Variants in VPS41 observed in about 807,000 individuals in gnomAD.
VPS41 encodes vacuolar protein sorting-associated protein 41 homolog.
Under a neutral mutation model 130.9 loss-of-function variants are expected in VPS41, and 85 were observed. The ratio of observed to expected loss-of-function variants is 0.65; its 90% CI spans 0.55 to 0.78. The LOEUF (loss-of-function observed/expected upper bound fraction) is 0.78, where lower values mean the gene tolerates loss of function less well. VPS41 is among the 30% of genes least tolerant of loss of function. The pLI is 0.00. For missense variants in VPS41, 874 were observed against 1,018.7 expected, an observed-to-expected ratio of 0.86 and a Z score of 1.93; for synonymous variants, 335 against 332.9, an observed-to-expected ratio of 1.01 and a Z score of -0.07.
intron 2 of VPS41, among the ~76,000 whole-genome samples, chr7:38,880,506 C>T (rs74928942): frequency 0.019 from 2,852 of 152,286 alleles, 95 homozygotes; most frequent in African/African-American, 0.064. Flanking sequence ...AAATCCCTCA[C>T]AACTGCCCAA....
chr7:38,877,374 GAAGGA>G (rs1786514088), intron 2 of VPS41, among the ~76,000 whole-genome samples: 1 of 152,102 alleles, frequency 6.6e-6, no homozygotes, highest in African/African-American at 2.4e-5. Flanking sequence ...GCACCAAACA[GAAGGA>G]AAGGGCTGGC....
intron 10 of VPS41, among the ~76,000 whole-genome samples, chr7:38,783,852 C>T (rs772254167): frequency 6.7e-6 from 1 of 150,104 alleles, no homozygotes; most frequent in Non-Finnish European, 1.5e-5. Context: ...GGTTATCTCA[C>T]TTCTTATCTG....
intron 10 of VPS41, among the ~76,000 whole-genome samples, chr7:38,787,450 T>C (rs1229125215): frequency 6.6e-6 from 1 of 152,194 alleles, no homozygotes; most frequent in African/African-American, 2.4e-5. Flanking sequence ...AAAGAAAATA[T>C]GATGTCCCAA....
chr7:38,899,570 C>G (rs1166753170), intron 1 of VPS41, among the ~76,000 whole-genome samples: 2 of 152,192 alleles, frequency 1.3e-5, no homozygotes, highest in East Asian at 3.9e-4. Flanking sequence ...AATCACTATT[C>G]TGACTTCTTT....
At chr7:38,728,443 T>C (rs1449714831) in intron 27 of VPS41, 99 bp downstream of exon 27, 1 of 1,290,388 alleles carries the variant, frequency 7.7e-7, no homozygotes. Flanking sequence ...TTCTGAAAGT[T>C]ATATAGTTTT....
At chr7:38,751,128 T>C (rs1783663651) in intron 22 of VPS41, among the ~76,000 whole-genome samples, 1 of 152,184 alleles carries the variant, frequency 6.6e-6, no homozygotes, top group South Asian at 2.1e-4. Flanking sequence ...TTTTCAATAA[T>C]TGTGGACTTT....
intron 3 of VPS41, among the ~76,000 whole-genome samples, chr7:38,866,403 T>TAAG (rs1339657331): frequency 2.6e-5 from 4 of 152,282 alleles, no homozygotes; most frequent in Middle Eastern, 3.4e-3. Flanking sequence ...CAGTAGAAGA[T>TAAG]AAGAGCCTAA....
chr7:38,757,586 A>G (rs1783824324), intron 18 of VPS41, among the ~76,000 whole-genome samples: 1 of 152,188 alleles, frequency 6.6e-6, no homozygotes, highest in South Asian at 2.1e-4. Context: ...ATTTCAACTT[A>G]GAATGCCATA....
At chr7:38,892,353 T>G (rs1490630103) in intron 2 of VPS41, among the ~76,000 whole-genome samples, 2 of 152,186 alleles carry the variant, frequency 1.3e-5, no homozygotes, top group African/African-American at 4.8e-5. Context: ...TCTGTGTTTT[T>G]ATCTGTAAAC....
chr7:38,830,415 G>T (rs1217696147), intron 4 of VPS41, 87 bp from the exon 5 acceptor site: 2 of 850,170 alleles, frequency 2.4e-6, no homozygotes, highest in African/African-American at 3.3e-5. Flanking sequence ...AAAATAGTAA[G>T]CTCTTTGTTT....
intron 1 of VPS41, among the ~76,000 whole-genome samples, chr7:38,907,572 G>A (rs1385160935): frequency 6.6e-6 from 1 of 152,118 alleles, no homozygotes; most frequent in Non-Finnish European, 1.5e-5. Context: ...ATATGGAAGG[G>A]TTTTTAAAAC....
intron 21 of VPS41, among the ~76,000 whole-genome samples, chr7:38,753,828 T>G (rs1194564179): frequency 6.6e-6 from 1 of 152,070 alleles, no homozygotes; most frequent in Non-Finnish European, 1.5e-5. Context: ...GAAAAAAAGG[T>G]GCCTCTCATT....
At chr7:38,818,244 C>T (rs375812581) in intron 6 of VPS41, among the ~76,000 whole-genome samples, 1 of 69,296 alleles carries the variant, frequency 1.4e-5, no homozygotes, top group African/African-American at 7.1e-5. Flanking sequence ...TTACAGAAAA[C>T]AAAACAAAAA....
intron 7 of VPS41, among the ~76,000 whole-genome samples, chr7:38,813,383 G>A (rs893416159): frequency 1.3e-5 from 2 of 152,266 alleles, no homozygotes; most frequent in South Asian, 4.2e-4. Flanking sequence ...AAGATGGGGA[G>A]TGACTGCTAA....
chr7:38,889,515 A>G (rs949296208), intron 2 of VPS41, among the ~76,000 whole-genome samples: 3 of 151,718 alleles, frequency 2.0e-5, no homozygotes, highest in African/African-American at 7.3e-5. Context: ...AGAATTGCCA[A>G]CCACAAATGC....
intron 19 of VPS41, among the ~76,000 whole-genome samples, chr7:38,756,603 G>T (rs1783799433): frequency 6.6e-6 from 1 of 152,154 alleles, no homozygotes; most frequent in Non-Finnish European, 1.5e-5. Flanking sequence ...AACTTTAAAA[G>T]TTCTCTATCA....
intron 4 of VPS41, among the ~76,000 whole-genome samples, chr7:38,832,173 T>C (rs1234819461): frequency 6.6e-6 from 1 of 152,120 alleles, no homozygotes; most frequent in East Asian, 1.9e-4. Context: ...GTTTTGTCAA[T>C]CTATAAGAGC....
At chr7:38,902,847 G>T (rs1787174695) in intron 1 of VPS41, among the ~76,000 whole-genome samples, 1 of 152,138 alleles carries the variant, frequency 6.6e-6, no homozygotes, top group Non-Finnish European at 1.5e-5. Flanking sequence ...TCAGAGCTTG[G>T]TTTTTACGTT....
intron 22 of VPS41, among the ~76,000 whole-genome samples, chr7:38,748,226 C>T (rs1230696185): frequency 1.3e-5 from 2 of 152,044 alleles, no homozygotes; most frequent in African/African-American, 2.4e-5. Flanking sequence ...CGCGCGTGCG[C>T]GCACACACAC....
Sources: gnomAD v4.1 joint callset for allele counts (sites outside exome capture counted in the v4.1 genomes callset) on GRCh38, gnomAD v4.1.1 for gene constraint, MANE v1.5 for transcripts, NCBI Gene and HGNC (gene_info 2026-07-23, HGNC 2026-07-21) for gene names.